The following SNX29 variants were observed in gnomAD, a reference collection of about 807,000 sequenced individuals.
SNX29 encodes the protein sorting nexin 29, also known as sorting nexin-29.
SNX29 carries 78 observed loss-of-function variants against 102.1 expected under a neutral mutation model. The ratio of observed to expected loss-of-function variants is 0.76; its 90% CI spans 0.64 to 0.92. SNX29 has a LOEUF of 0.92. Ranked by LOEUF, SNX29 falls within the 40% of genes least tolerant of loss-of-function variation. The probability of loss-of-function intolerance (pLI) is 0.00; values close to 1 mark genes in which losing one functional copy is unlikely to be tolerated. For missense variants in SNX29, 1,280 were observed against 1,061.7 expected, an observed-to-expected ratio of 1.21 and a Z score of -2.86; for synonymous variants, 580 against 414.5, an observed-to-expected ratio of 1.40 and a Z score of -4.85.
chr16:11,988,655 C>T (rs947486373), intron 1 of SNX29, among the ~76,000 whole-genome samples: 1 of 152,172 alleles, frequency 6.6e-6, no homozygotes. Context: ...TTGTCTCTAC[C>T]TCCCAAAATG....
intron 18 of SNX29, among the ~76,000 whole-genome samples, chr16:12,470,969 G>T (rs777758990): frequency 2.1e-4 from 32 of 152,164 alleles, no homozygotes; most frequent in Non-Finnish European, 3.5e-4. Context: ...TCAATGTGGG[G>T]TGTCATCCCC....
At chr16:12,372,993 C>G (rs1258783929) in intron 16 of SNX29, 1 of 152,172 alleles carries the variant, frequency 6.6e-6, no homozygotes, top group Non-Finnish European at 1.5e-5. Flanking sequence ...TCTCATGTCT[C>G]CATTTTAGAG....
At chr16:12,144,306 T>G (rs918364772) in intron 13 of SNX29, among the ~76,000 whole-genome samples, 3 of 152,250 alleles carry the variant, frequency 2.0e-5, no homozygotes, top group African/African-American at 7.2e-5. Flanking sequence ...CAATTAGCAC[T>G]ACTAACATTT....
At chr16:12,357,301 A>G (rs1219254113) in intron 16 of SNX29, among the ~76,000 whole-genome samples, 3 of 152,142 alleles carry the variant, frequency 2.0e-5, no homozygotes, top group African/African-American at 7.2e-5. Flanking sequence ...TCTGGGTATT[A>G]TTTCATGTAT....
At position 12,572,020 on chromosome 16, in the gene SNX29, A is replaced by C; in HGVS notation, c.*3391A>C. The C allele has an allele frequency of 9.4e-7, 1 of 1,062,018 alleles. No homozygotes were observed. Among genetic ancestry groups the C allele is most frequent in the Non-Finnish European group, 1.1e-6 (1 of 877,276 alleles). 65.8% of individuals were successfully genotyped at this position (1,062,018 alleles called of 1,614,324 possible). On this transcript the variant is annotated 3_prime_UTR_variant, in exon 21 of 21. Transcript: ENST00000566228. ...AGTTGCATCTAGGGAGCTGCTGGCT[A>C]TAAAAGGGATCATCCAGTGGAGTTG...
chr16:12,332,227 T>A (rs181874172), intron 15 of SNX29, among the ~76,000 whole-genome samples: 2 of 152,278 alleles, frequency 1.3e-5, no homozygotes, highest in East Asian at 3.9e-4. Context: ...GCGTGCGGTG[T>A]GTGCACTTGC....
chr16:12,389,930 G>C, intron 16 of SNX29, among the ~76,000 whole-genome samples: 1 of 152,196 alleles, frequency 6.6e-6, no homozygotes, highest in East Asian at 1.9e-4. Context: ...GCGAGTTTGG[G>C]TTAGTTGAAT....
intron 18 of SNX29, among the ~76,000 whole-genome samples, chr16:12,476,672 A>G (rs1045476359): frequency 1.1e-4 from 16 of 151,490 alleles, no homozygotes; most frequent in Admixed American, 7.9e-4. Context: ...ATCTCACTCC[A>G]TCGGAAACAT....
chr16:12,444,225 C>T (rs1179794326), intron 18 of SNX29, among the ~76,000 whole-genome samples: 2 of 150,128 alleles, frequency 1.3e-5, no homozygotes, highest in Non-Finnish European at 3.0e-5. Flanking sequence ...TAGCCCCTAG[C>T]ATGTGGTAAG....
intron 14 of SNX29, among the ~76,000 whole-genome samples, chr16:12,239,762 G>T (rs770712157): frequency 1.6e-4 from 25 of 151,538 alleles, no homozygotes; most frequent in African/African-American, 6.1e-4. Flanking sequence ...CAGGGCTACC[G>T]TGAGCTGGTG....
intron 15 of SNX29, among the ~76,000 whole-genome samples, chr16:12,308,826 C>T (rs180971445): frequency 1.3e-5 from 2 of 152,198 alleles, no homozygotes; most frequent in East Asian, 3.9e-4. Context: ...GAACGCCTGC[C>T]TGCAAGTCCC....
intron 13 of SNX29, among the ~76,000 whole-genome samples, chr16:12,142,850 C>T (rs1288713910): frequency 1.3e-5 from 2 of 151,044 alleles, no homozygotes; most frequent in African/African-American, 2.4e-5. Context: ...CCTGAGCCAC[C>T]GCTTCTGGCC....
intron 15 of SNX29, among the ~76,000 whole-genome samples, chr16:12,337,727 A>C (rs1246306597): frequency 6.6e-6 from 1 of 152,236 alleles, no homozygotes; most frequent in Non-Finnish European, 1.5e-5. Context: ...ATTGTCATTC[A>C]GTGACGGTGA....
At chr16:12,346,366 CTCTT>C (rs2081805652) in intron 15 of SNX29, among the ~76,000 whole-genome samples, 1 of 152,078 alleles carries the variant, frequency 6.6e-6, no homozygotes, top group Non-Finnish European at 1.5e-5. Flanking sequence ...AGTAAAGCAC[CTCTT>C]TCTTTTATTA....
chr16:12,107,150 G>A (rs765145499), intron 11 of SNX29, among the ~76,000 whole-genome samples: 1 of 152,134 alleles, frequency 6.6e-6, no homozygotes, highest in Non-Finnish European at 1.5e-5. Context: ...CACCTTGGCT[G>A]GAATTAGTTA....
intron 13 of SNX29, among the ~76,000 whole-genome samples, chr16:12,191,676 A>G (rs2076646509): frequency 6.6e-6 from 1 of 152,230 alleles, no homozygotes; most frequent in South Asian, 2.1e-4. Flanking sequence ...TAGGGTCAGA[A>G]GAGACTTAAC....
chr16:12,212,251 G>T (rs970248322), intron 14 of SNX29, among the ~76,000 whole-genome samples: 1 of 152,180 alleles, frequency 6.6e-6, no homozygotes, highest in Non-Finnish European at 1.5e-5. Context: ...CTGATTGTGT[G>T]CCATGAGTCA....
At chr16:12,470,592 A>T (rs1393225890) in intron 18 of SNX29, among the ~76,000 whole-genome samples, 1 of 151,918 alleles carries the variant, frequency 6.6e-6, no homozygotes, top group Non-Finnish European at 1.5e-5. Context: ...TCAGAAACCC[A>T]CTCGAGAAGG....
chr16:12,397,897 A>G (rs4781223), intron 16 of SNX29, among the ~76,000 whole-genome samples: 54,733 of 151,874 alleles, frequency 0.36, 11,165 homozygotes, highest in East Asian at 0.58. Flanking sequence ...GGGGTCCACC[A>G]TGCCACACAG....
Sources: allele counts gnomAD v4.1 joint callset (sites outside exome capture counted in the v4.1 genomes callset), GRCh38; gene constraint gnomAD v4.1.1; transcripts MANE v1.5; gene names NCBI Gene and HGNC (gene_info 2026-07-23, HGNC 2026-07-21).